TRPA1: variants seen among roughly 807,000 people sequenced by gnomAD.
The protein encoded by TRPA1 is transient receptor potential cation channel subfamily A member 1.
A neutral mutation model predicts 131.3 loss-of-function variants in TRPA1; 129 were observed. The observed-to-expected ratio is 0.98, with a 90% CI of 0.85 to 1.14. The LOEUF (loss-of-function observed/expected upper bound fraction) is 1.14. Among genes scored for constraint, TRPA1 ranks in the 50% most tolerant of loss-of-function variants. TRPA1 has a pLI of 0.00. For missense variants in TRPA1, 1,304 were observed against 1,354.2 expected, an observed-to-expected ratio of 0.96 and a Z score of 0.58; for synonymous variants, 441 against 451.7, an observed-to-expected ratio of 0.98 and a Z score of 0.30.
chr8:72,039,048 C>G, intron 18 of TRPA1, 21 bp from the exon 19 acceptor site: 1 of 1,610,774 alleles, frequency 6.2e-7, no homozygotes, highest in Non-Finnish European at 8.5e-7. Flanking sequence ...ATAAGCAAAC[C>G]AGAATTGAGT....
rs563286178 is a variant in TRPA1 at position 72,033,910 on chromosome 8, A to G, written c.2686-84T>C. The G allele has an allele frequency of 9.5e-5, 124 of 1,306,042 alleles. No homozygotes were observed. In the African/African-American group the frequency reaches 1.7e-3, roughly 17 times the overall value. 80.9% of individuals were successfully genotyped at this position (1,306,042 alleles called of 1,614,324 possible). ...TCCTGGAGGTAGAATGATAAAAACTATATTCAGAATACTTTTTTAAAGTCA... is the reference window on the plus strand; with the variant it reads ...TCCTGGAGGTAGAATGATAAAAACTGTATTCAGAATACTTTTTTAAAGTCA... On this transcript the variant is annotated intron_variant, in intron 22 of 26. Coordinates refer to ENST00000262209, the MANE Select transcript of TRPA1 (RefSeq NM_007332.3).
intron 13 of TRPA1, chr8:72,053,407 T>C (rs1189109280): frequency 2.9e-6 from 1 of 347,728 alleles, no homozygotes; most frequent in Non-Finnish European, 5.5e-6. Context: ...GCATTTCAAA[T>C]CAATACACTT....
intron 17 of TRPA1, among the ~76,000 whole-genome samples, chr8:72,044,843 G>C (rs1430620882): frequency 6.6e-6 from 1 of 151,952 alleles, no homozygotes; most frequent in East Asian, 1.9e-4. Flanking sequence ...ATCAGGTGCT[G>C]TTTTGATATC....
intron 20 of TRPA1, among the ~76,000 whole-genome samples, chr8:72,037,290 G>A (rs1812088005): frequency 6.6e-6 from 1 of 152,046 alleles, no homozygotes; most frequent in African/African-American, 2.4e-5. Context: ...AAAGTGAGGT[G>A]TTGTATAAAA....
At chr8:72,051,845 C>G (rs915740027) in intron 14 of TRPA1, among the ~76,000 whole-genome samples, 1 of 152,198 alleles carries the variant, frequency 6.6e-6, no homozygotes, top group African/African-American at 2.4e-5. Context: ...CCCCTGGAGT[C>G]TCACAAGAGT....
At chr8:72,079,400 G>T (rs1292255779), upstream of TRPA1, among the ~76,000 whole-genome samples, 1 of 151,898 alleles carries the variant, frequency 6.6e-6, no homozygotes, top group Non-Finnish European at 1.5e-5. Context: ...TTGTGGGGTA[G>T]AGGTCTAAGT....
chr8:72,071,232 C>T (rs1461252361), intron 2 of TRPA1, among the ~76,000 whole-genome samples: 3 of 152,132 alleles, frequency 2.0e-5, no homozygotes, highest in African/African-American at 4.8e-5. Flanking sequence ...GGTCTTATCA[C>T]ACCACTTCAC....
chr8:72,033,638 A>G lies in TRPA1; in HGVS notation c.2868+6T>C, dbSNP rs775684425. On this transcript the variant is annotated splice_donor_region_variant and intron_variant, in intron 23 of 26. Transcript: ENST00000262209. The stretch of plus-strand genomic sequence containing the variant: ...CAAACAGAAAATATAAGAAAAAACT[A>G]CTTACAAGTAAATTCATGAGGACAA... 6.2e-7 allele frequency: 1 copy of G among 1,611,194 alleles called. No individual in the cohort carries two copies. The highest frequency in any genetic ancestry group is 8.5e-7 in the Non-Finnish European group (1 of 1,177,970).
upstream of TRPA1, among the ~76,000 whole-genome samples, chr8:72,077,299 G>C (rs960363139): frequency 6.9e-5 from 10 of 145,320 alleles, no homozygotes; most frequent in Admixed American, 5.5e-4. Flanking sequence ...GTGGGGGGGG[G>C]GGCAGCGTGG....
chr8:72,075,463 C>T lies in TRPA1; in HGVS notation c.-54G>A. 6.9e-7 allele frequency: 1 copy of T among 1,450,476 alleles called. No individual in the cohort carries two copies. The highest frequency in any genetic ancestry group is 9.6e-7 in the Non-Finnish European group (1 of 1,043,218). The allele number at this position is 1,450,476 out of a possible 1,614,324, so 89.9% of individuals were successfully genotyped here. ...AGCTGCTCACCACGCGCGCGGGCAC[C>T]TGGGGCGAGAGAGCGCTGTCAGCCT... On this transcript the variant is annotated 5_prime_UTR_variant, in exon 1 of 27. Transcript: ENST00000262209.
chr8:72,059,483 T>C (rs936764600), intron 7 of TRPA1, 45 bp from the exon 8 acceptor site: 7 of 1,199,984 alleles, frequency 5.8e-6, no homozygotes, highest in South Asian at 4.2e-5. Context: ...GTACTATTGA[T>C]GTAAATAAAA....
At chr8:72,075,220 G>A in intron 1 of TRPA1, 79 bp downstream of exon 1, 2 of 1,124,698 alleles carry the variant, frequency 1.8e-6, no homozygotes, top group Non-Finnish European at 2.7e-6. Context: ...TCCAAACCAA[G>A]GGCTGCCCCC....
rs536941464 is a variant in TRPA1, at chr8:72,067,719, T to G, written c.444+1304A>C. Among the ~76,000 whole-genome samples, 10 of 152,324 alleles carry G rather than the reference T, an allele frequency of 6.6e-5. No individual in the cohort carries two copies. The South Asian group carries it at 2.1e-3, about 32-fold the overall frequency. On this transcript the variant is annotated intron_variant, in intron 3 of 26. Coordinates refer to ENST00000262209, the MANE Select transcript of TRPA1 (RefSeq NM_007332.3). ...TCTCTGCGGGAGTCCCTGTAGTCACTAGTGGCCCAACCCAGATGATACAGA... is the reference window on the plus strand; with the variant it reads ...TCTCTGCGGGAGTCCCTGTAGTCACGAGTGGCCCAACCCAGATGATACAGA...
In TRPA1 at chr8:72,071,713, T is replaced by G. The variant is rs755445080; in HGVS notation, c.266A>C (p.Glu89Ala). Reference sequence around the variant, plus strand: ...GATGAATTGTAATATTTTGTTACCTTCCAAAGAGGAATCTCTGGTGATCTT... The same window carrying G: ...GATGAATTGTAATATTTTGTTACCTGCCAAAGAGGAATCTCTGGTGATCTT... ...MEKITRDSSL[E>A]VLHEMDDYGN... Residue 89 changes from glutamate to alanine, a missense_variant and splice_region_variant, in exon 2 of 27, where the codon GAA becomes GCA. Transcript: ENST00000262209. 1.9e-5 allele frequency: 30 copies of G among 1,613,596 alleles called. No homozygotes were observed. The highest frequency in any genetic ancestry group is 2.5e-6 in the Non-Finnish European group (3 of 1,179,796).
rs1187668579 is a variant in TRPA1, at chr8:72,036,028, AAAGAAG to A, written c.2555+254_2555+259del. 8.8e-4 allele frequency among the ~76,000 whole-genome samples: 124 copies of A among 141,066 alleles called. 1 individual carries two copies. Among genetic ancestry groups the A allele is most frequent in the African/African-American group, 2.9e-3 (108 of 37,204 alleles). The allele number at this position is 141,066 out of a possible 152,430, so 92.5% of individuals were successfully genotyped here. A position where few individuals can be genotyped will look rare whatever the true frequency, so the allele number is the denominator to read the frequency against. ...CACAAAAAAAAAAAAAAAAAAAAAA[AAAGAAG>A]AAGAAGAAGAAGAAGAAAAAAGAAT... On this transcript the variant is annotated intron_variant, in intron 21 of 26. Transcript: ENST00000262209.
At chr8:72,068,082 T>A (rs568338332) in intron 3 of TRPA1, among the ~76,000 whole-genome samples, 1 of 152,222 alleles carries the variant, frequency 6.6e-6, no homozygotes, top group African/African-American at 2.4e-5. Flanking sequence ...CAAGGTACAG[T>A]AGGAAAGCAG....
At chr8:72,023,450 A>G (rs542396086) in intron 26 of TRPA1, 111 of 453,234 alleles carry the variant, frequency 2.4e-4, no homozygotes, top group African/African-American at 1.9e-3. Flanking sequence ...ACTAACTGTA[A>G]AACCCTCATG....
At chr8:72,060,966 G>T (rs1352399328) in intron 7 of TRPA1, among the ~76,000 whole-genome samples, 1 of 151,626 alleles carries the variant, frequency 6.6e-6, no homozygotes, top group Non-Finnish European at 1.5e-5. Context: ...GTGCACGTGT[G>T]TGTGGAAGAG....
At chr8:72,060,409 A>T (rs2129435972) in intron 7 of TRPA1, 1 of 152,164 alleles carries the variant, frequency 6.6e-6, no homozygotes, top group South Asian at 2.1e-4. Flanking sequence ...CGTGATTCTA[A>T]TGTGCAACAG....
Sources: gnomAD v4.1 joint callset for allele counts (sites outside exome capture counted in the v4.1 genomes callset) on GRCh38, gnomAD v4.1.1 for gene constraint, MANE v1.5 for transcripts, NCBI Gene and HGNC (gene_info 2026-07-23, HGNC 2026-07-21) for gene names.